The following CFAP58 variants were observed in gnomAD, a reference collection of about 807,000 sequenced individuals.
CFAP58 encodes cilia and flagella associated protein 58.
In CFAP58, 88 loss-of-function variants were observed where a neutral mutation model predicts 119.5. That is an observed-to-expected ratio of 0.74 (90% CI 0.62 to 0.88). The LOEUF is 0.88. CFAP58 is among the 40% of genes least tolerant of loss of function. CFAP58 has a pLI of 0.00. For missense variants in CFAP58, 990 were observed against 1,021.2 expected, an observed-to-expected ratio of 0.97 and a Z score of 0.42; for synonymous variants, 365 against 366.3, an observed-to-expected ratio of 1.00 and a Z score of 0.04.
At chr10:104,388,509 A>G (rs1301273014) in intron 9 of CFAP58, among the ~76,000 whole-genome samples, 1 of 152,230 alleles carries the variant, frequency 6.6e-6, no homozygotes, top group Non-Finnish European at 1.5e-5. Flanking sequence ...CAAGAAAAAT[A>G]GGGAAGACTC....
chr10:104,417,266 T>G (rs1247229552), intron 15 of CFAP58, among the ~76,000 whole-genome samples: 3 of 152,256 alleles, frequency 2.0e-5, no homozygotes, highest in Non-Finnish European at 4.4e-5. Flanking sequence ...TCCTATGCTT[T>G]GCTCTCCTCT....
chr10:104,452,882 C>A (rs997748861), intron 17 of CFAP58, among the ~76,000 whole-genome samples: 3 of 151,924 alleles, frequency 2.0e-5, no homozygotes, highest in Admixed American at 1.3e-4. Flanking sequence ...GTTCCATCTA[C>A]GTGGGGATCC....
chr10:104,360,964 C>T (rs886409916), intron 2 of CFAP58, among the ~76,000 whole-genome samples: 1 of 152,100 alleles, frequency 6.6e-6, no homozygotes, highest in African/African-American at 2.4e-5. Context: ...TTTTAAATGA[C>T]CAGATCTCAT....
At chr10:104,408,101 A>G (rs1027811928) in intron 15 of CFAP58, among the ~76,000 whole-genome samples, 1 of 152,204 alleles carries the variant, frequency 6.6e-6, no homozygotes. Flanking sequence ...TACCTTAAGA[A>G]AGATATTTAC....
intron 7 of CFAP58, among the ~76,000 whole-genome samples, chr10:104,371,692 T>C (rs1417438721): frequency 6.6e-6 from 1 of 152,212 alleles, no homozygotes; most frequent in Admixed American, 6.5e-5. Context: ...AGAGCACTTG[T>C]GGGCACTGCC....
chr10:104,345,169 C>G, the CFAP58 span, among the ~76,000 whole-genome samples: 1 of 151,764 alleles, frequency 6.6e-6, no homozygotes, highest in African/African-American at 2.4e-5. Flanking sequence ...AAACAAAAAG[C>G]TTATTCCTTT....
Position 104,435,889 on chromosome 10 carries a change from A to G in CFAP58, c.2257-11809A>G, listed in dbSNP as rs2012925562. 2.0e-5 allele frequency among the ~76,000 whole-genome samples: 3 copies of G among 152,156 alleles called. No individual in the cohort carries two copies. The South Asian group carries it at 6.2e-4, about 32-fold the overall frequency. ...TTGACTCTTTAAAATTGAACTTACC[A>G]TCTTCTGCCTGAAGCCTGCTCCTTC... On this transcript the variant is annotated intron_variant, in intron 15 of 17. Transcript: ENST00000369704.
In CFAP58 at chr10:104,454,404, T is replaced by A; in HGVS notation, c.2511-18T>A. ...AAAAGGATGTTAAGGAAGCTAACTT[T>A]CACCTCCTCTCTTACAGAAACAAGG... On this transcript the variant is annotated intron_variant, in intron 17 of 17. Coordinates refer to ENST00000369704, the MANE Select transcript of CFAP58 (RefSeq NM_001008723.2). 3.1e-6 allele frequency: 5 copies of A among 1,591,326 alleles called. No homozygotes were observed. In the East Asian group the frequency reaches 1.1e-4, roughly 36 times the overall value.
Position 104,370,905 on chromosome 10 carries a change from A to C in CFAP58, c.941A>C (p.Glu314Ala), listed in dbSNP as rs769983207. Reference sequence around the variant, plus strand: ...TCTCACTAATTACAGGCCAAAGAGGAAGAAGTCCATCAAATGCGCCTTGAC... The same window carrying C: ...TCTCACTAATTACAGGCCAAAGAGGCAGAAGTCCATCAAATGCGCCTTGAC... ...QKALELKAKE[E>A]EVHQMRLDIG... is the part of the protein sequence containing the mutation. Residue 314 changes from glutamate to alanine, a missense_variant, in exon 7 of 18, where the codon GAA becomes GCA. By Grantham distance (107) the Glu-to-Ala change is moderately radical (BLOSUM62 -1). Transcript: ENST00000369704. The C allele has an allele frequency of 3.1e-6, 5 of 1,612,332 alleles. 1 individual carries two copies. In the South Asian group the frequency reaches 5.5e-5, roughly 18 times the overall value.
At chr10:104,363,265 C>A (rs901088540) in intron 3 of CFAP58, among the ~76,000 whole-genome samples, 1 of 152,178 alleles carries the variant, frequency 6.6e-6, no homozygotes, top group African/African-American at 2.4e-5. Flanking sequence ...CTTTATATCC[C>A]CTCCAGGAGC....
At position 104,358,457 on chromosome 10, in the gene CFAP58, A is replaced by G; in HGVS notation, c.126A>G (p.Glu42=). 6.2e-7 allele frequency: 1 copy of G among 1,614,108 alleles called. No homozygotes were observed. The change falls in exon 2 of 18, where the codon GAA becomes GAG. Residue 42 remains glutamate (E), a synonymous_variant. Coordinates refer to ENST00000369704, the MANE Select transcript of CFAP58 (RefSeq NM_001008723.2). ...AAAGTTTGGAAAAATTTCGGATTGAATATGAGAGGCTTCATGCTGTCATGA... is the reference window on the plus strand; with the variant it reads ...AAAGTTTGGAAAAATTTCGGATTGAGTATGAGAGGCTTCATGCTGTCATGA... The part of the protein sequence containing the change: ...GDKSLEKFRI[E]YERLHAVMKK...
At chr10:104,376,314 A>C (rs935425683) in intron 7 of CFAP58, among the ~76,000 whole-genome samples, 4 of 151,626 alleles carry the variant, frequency 2.6e-5, no homozygotes, top group Non-Finnish European at 4.4e-5. Context: ...AAAAAATCAG[A>C]GCTAGTCCTC....
chr10:104,394,329 A>G (rs1181587723), intron 11 of CFAP58, among the ~76,000 whole-genome samples: 1 of 152,224 alleles, frequency 6.6e-6, no homozygotes, highest in Non-Finnish European at 1.5e-5. Flanking sequence ...TTATGAAAAT[A>G]TATGTGCAGA....
upstream of CFAP58, among the ~76,000 whole-genome samples, chr10:104,351,158 C>G (rs1303397161): frequency 6.6e-6 from 1 of 152,176 alleles, no homozygotes; most frequent in Non-Finnish European, 1.5e-5. Flanking sequence ...ATTAGCTTGG[C>G]TTACAGTGTG....
intron 15 of CFAP58, among the ~76,000 whole-genome samples, chr10:104,447,281 G>A (rs1310586384): frequency 6.6e-6 from 1 of 151,416 alleles, no homozygotes; most frequent in Non-Finnish European, 1.5e-5. Flanking sequence ...GCCTCCCAAT[G>A]TGCTGGAATC....
At chr10:104,402,374 A>G (rs146745771) in intron 13 of CFAP58, among the ~76,000 whole-genome samples, 143 of 152,342 alleles carry the variant, frequency 9.4e-4, no homozygotes, top group African/African-American at 3.3e-3. Flanking sequence ...TGTTGAGTGA[A>G]CATCATGCAG....
rs140943458 is a variant in CFAP58, at chr10:104,358,536, G to T, written c.205G>T (p.Ala69Ser). Residue 69 changes from alanine (A) to serine (S), a missense_variant, in exon 2 of 18, where the codon GCA (alanine) becomes TCA (serine). Ala to Ser is a moderately conservative substitution (Grantham distance 99). Coordinates refer to ENST00000369704, the MANE Select transcript of CFAP58 (RefSeq NM_001008723.2). ...RLMAKCRELNAEIVVNSAKVA... is the reference protein window; with the variant it reads ...RLMAKCRELNSEIVVNSAKVA... ...GATGGCCAAATGCAGAGAGCTAAAT[G>T]CAGAGATTGTAGTGAATTCTGCGAA... is the stretch of plus-strand genomic sequence containing the variant. 26 of 1,614,138 alleles carry T rather than the reference G, an allele frequency of 1.6e-5. No individual in the cohort carries two copies. Among genetic ancestry groups the T allele is most frequent in the Middle Eastern group, 3.3e-4 (2 of 6,062 alleles).
intron 2 of CFAP58, among the ~76,000 whole-genome samples, chr10:104,360,463 G>T (rs954030360): frequency 4.0e-5 from 6 of 151,674 alleles, no homozygotes; most frequent in Middle Eastern, 3.2e-3. Flanking sequence ...AGAGGGGCGG[G>T]GGGGAGGTGT....
chr10:104,392,335 C>T lies in CFAP58; in HGVS notation c.1468C>T (p.Leu490=), dbSNP rs759488257. The T allele has an allele frequency of 3.1e-6, 5 of 1,611,256 alleles. No homozygotes were observed. Among genetic ancestry groups the T allele is most frequent in the Admixed American group, 3.4e-5 (2 of 59,560 alleles). ...GATTAAATTAAAACAGCAACAGAAC[C>T]TATATGAAGCTGTGAGATCAGACAG... ...SEIKLKQQQN[L]YEAVRSDRNL... Residue 490 remains leucine (L), a synonymous_variant, in exon 10 of 18, where the codon CTA becomes TTA. Transcript: ENST00000369704.
Sources: gnomAD v4.1 joint callset for allele counts (sites outside exome capture counted in the v4.1 genomes callset) on GRCh38, gnomAD v4.1.1 for gene constraint, MANE v1.5 for transcripts, NCBI Gene and HGNC (gene_info 2026-07-23, HGNC 2026-07-21) for gene names.